The following C18orf63 variants were observed in gnomAD, a reference collection of about 807,000 sequenced individuals.
C18orf63 encodes chromosome 18 open reading frame 63, also known as uncharacterized protein C18orf63.
C18orf63 carries 50 observed loss-of-function variants against 75.3 expected under a neutral mutation model. That is an observed-to-expected ratio of 0.66 (90% confidence interval 0.53 to 0.84). The LOEUF is 0.84. C18orf63 is among the 40% of genes least tolerant of loss of function. The pLI is 0.00. For synonymous variants in C18orf63, 232 were observed against 267.6 expected (o/e 0.87, Z 1.30); for missense variants, 732 against 800.2 (o/e 0.91, Z 1.03).
intron 11 of C18orf63, among the ~76,000 whole-genome samples, chr18:74,345,625 A>G (rs770473595): frequency 6.6e-6 from 1 of 152,088 alleles, no homozygotes; most frequent in African/African-American, 2.4e-5. Context: ...AAAAAACACA[A>G]TTCTTACCCC....
At position 74,343,670 on chromosome 18, in the gene C18orf63, T is replaced by C; in HGVS notation, c.946T>C (p.Tyr316His). 1 of 1,531,824 alleles carries C rather than the reference T, an allele frequency of 6.5e-7. No individual in the cohort carries two copies. Among genetic ancestry groups the C allele is most frequent in the South Asian group, 1.2e-5 (1 of 83,276 alleles). 94.9% of individuals were successfully genotyped at this position (1,531,824 alleles called of 1,614,324 possible). A position where few individuals can be genotyped will look rare whatever the true frequency, so the allele number is the denominator to read the frequency against. Residue 316 changes from tyrosine (Y) to histidine (H), a missense_variant, in exon 11 of 14, where the codon TAC (tyrosine) becomes CAC (histidine). Tyr to His is a moderately conservative substitution (Grantham distance 83). Transcript: ENST00000579455. ...AAAGATGACAAGTAAACCATGCTACTACACACAAGAACTAACTAAACCTAA... is the reference window on the plus strand; with the variant it reads ...AAAGATGACAAGTAAACCATGCTACCACACACAAGAACTAACTAAACCTAA... ...PIKMTSKPCY[Y>H]TQELTKPNIQ...
intron 7 of C18orf63, among the ~76,000 whole-genome samples, chr18:74,334,518 A>G (rs983215069): frequency 2.0e-5 from 3 of 152,148 alleles, no homozygotes; most frequent in Non-Finnish European, 2.9e-5. Context: ...AATGAAAGGA[A>G]GGCAGGGGTT....
intron 6 of C18orf63, among the ~76,000 whole-genome samples, chr18:74,330,305 C>A (rs1362697993): frequency 6.6e-6 from 1 of 152,092 alleles, no homozygotes. Flanking sequence ...AAGAGCACCC[C>A]AGAATCCCCC....
chr18:74,329,161 G>C, intron 6 of C18orf63, 125 bp downstream of exon 6: 1 of 598,036 alleles, frequency 1.7e-6, no homozygotes, highest in Non-Finnish European at 3.0e-6. Flanking sequence ...GGCCAAGGTA[G>C]GTAGATTGTT....
rs77336104 is a variant in C18orf63 at position 74,324,524 on chromosome 18, C to A, written c.270+1770C>A. ...TAACAAAATTGGTTTTGTTATATGT[C>A]ATTTTGCTTAAAGTCATGGTTTGTA... On this transcript the variant is annotated intron_variant, in intron 4 of 13. Coordinates refer to ENST00000579455, the MANE Select transcript of C18orf63 (RefSeq NM_001174123.2). Among the ~76,000 whole-genome samples, 2,251 of 152,140 alleles carry A rather than the reference C, an allele frequency of 0.015. 91 individuals are homozygous for A. In the East Asian group the frequency reaches 0.17, roughly 11 times the overall value.
intron 2 of C18orf63, among the ~76,000 whole-genome samples, chr18:74,319,837 A>C (rs887031943): frequency 6.6e-6 from 1 of 152,132 alleles, no homozygotes; most frequent in Non-Finnish European, 1.5e-5. Context: ...TATAGGACAA[A>C]AATTGAGTTC....
chr18:74,341,233 T>C (rs1021670725), intron 8 of C18orf63, among the ~76,000 whole-genome samples: 1 of 113,416 alleles, frequency 8.8e-6, no homozygotes, highest in African/African-American at 3.5e-5. Flanking sequence ...ATCCCGCCAC[T>C]GCACTCCAGC....
At position 74,330,943 on chromosome 18, in the gene C18orf63, G is replaced by T; in HGVS notation, c.501+1G>T. ...CACAATCAGACTGCCAGCACCTGAG[G>T]TACCATATATTGTGATTTCTATACT... On this transcript the variant is annotated splice_donor_variant, in intron 7 of 13. Transcript: ENST00000579455. LOFTEE classifies it high-confidence loss of function. 6 of 1,392,640 alleles carry T rather than the reference G, an allele frequency of 4.3e-6. No individual in the cohort carries two copies. The highest frequency in any genetic ancestry group is 3.8e-6 in the Non-Finnish European group (4 of 1,042,304). 86.3% of individuals were successfully genotyped at this position (1,392,640 alleles called of 1,614,324 possible). A position where few individuals can be genotyped will look rare whatever the true frequency, so the allele number is the denominator to read the frequency against.
At chr18:74,345,750 C>G (rs1209453885) in intron 11 of C18orf63, among the ~76,000 whole-genome samples, 1 of 152,062 alleles carries the variant, frequency 6.6e-6, no homozygotes, top group East Asian at 1.9e-4. Flanking sequence ...ATCTCTTTCT[C>G]TGGTCAGTTT....
chr18:74,344,712 T>A (rs1984544069), intron 11 of C18orf63, among the ~76,000 whole-genome samples: 1 of 152,164 alleles, frequency 6.6e-6, no homozygotes, highest in Non-Finnish European at 1.5e-5. Flanking sequence ...AGGCTCAGCA[T>A]CATGTTTGTG....
At chr18:74,342,426 T>C (rs1236835643) in intron 10 of C18orf63, 100 bp downstream of exon 10, 1 of 693,726 alleles carries the variant, frequency 1.4e-6, no homozygotes. Context: ...TCTTTCTCTG[T>C]GTCTAACTGA....
chr18:74,317,503 T>C (rs553183017), intron 1 of C18orf63, among the ~76,000 whole-genome samples: 24 of 152,330 alleles, frequency 1.6e-4, no homozygotes, highest in Non-Finnish European at 2.5e-4. Flanking sequence ...GTTATTGTTA[T>C]AGAAAAAGGA....
At chr18:74,325,411 T>C (rs1256359509) in intron 4 of C18orf63, among the ~76,000 whole-genome samples, 1 of 152,236 alleles carries the variant, frequency 6.6e-6, no homozygotes. Flanking sequence ...CTTGAATCTT[T>C]TTAAATTAAT....
rs909406579 is a variant in C18orf63, at chr18:74,353,877, A to G, written c.1610A>G (p.Asn537Ser). Residue 537 changes from asparagine (N) to serine (S), a missense_variant, in exon 12 of 14, where the codon AAC becomes AGC. Physicochemically the swap from Asn to Ser is conservative, Grantham distance 46 (BLOSUM62 1). Transcript: ENST00000579455. ...SSRGKSTVSL[N>S]KNKQLSNSAV... ...CGTGGAAAATCGACTGTGAGTTTAAACAAAAATAAGCAACTATCTAATAGT... is the reference window on the plus strand; with the variant it reads ...CGTGGAAAATCGACTGTGAGTTTAAGCAAAAATAAGCAACTATCTAATAGT... 2 of 1,536,072 alleles carry G rather than the reference A, an allele frequency of 1.3e-6. 1 individual carries two copies.
intron 4 of C18orf63, among the ~76,000 whole-genome samples, chr18:74,323,078 T>C (rs1302498539): frequency 2.6e-5 from 4 of 152,212 alleles, no homozygotes; most frequent in African/African-American, 4.8e-5. Context: ...ATATAGCTAA[T>C]ATGTAGAGAA....
intron 7 of C18orf63, among the ~76,000 whole-genome samples, chr18:74,331,397 T>G (rs1385672188): frequency 6.6e-6 from 1 of 152,240 alleles, no homozygotes; most frequent in Non-Finnish European, 1.5e-5. Flanking sequence ...GATATGTCTT[T>G]TATTTTGTGG....
intron 7 of C18orf63, 21 bp from the exon 8 acceptor site, chr18:74,338,694 A>G: frequency 8.9e-7 from 1 of 1,118,110 alleles, no homozygotes; most frequent in African/African-American, 1.6e-5. Context: ...GAGGACTTAC[A>G]AATCTTATTT....
rs1984428118 is a variant in C18orf63 at position 74,338,505 on chromosome 18, T to A, written c.502-210T>A. Among the ~76,000 whole-genome samples the A allele has an allele frequency of 3.9e-5, 6 of 152,238 alleles. No homozygotes were observed. The South Asian group carries it at 1.0e-3, about 26-fold the overall frequency. Reference sequence around the variant, plus strand: ...GGCTTGGATGGTAAGAGGGAAAGCATGAAATACTTCATATATTGTATAAAG... The same window carrying A: ...GGCTTGGATGGTAAGAGGGAAAGCAAGAAATACTTCATATATTGTATAAAG... On this transcript the variant is annotated intron_variant, in intron 7 of 13. Coordinates refer to ENST00000579455, the MANE Select transcript of C18orf63 (RefSeq NM_001174123.2).
chr18:74,319,656 T>G (rs1378358161), intron 2 of C18orf63, among the ~76,000 whole-genome samples: 1 of 152,200 alleles, frequency 6.6e-6, no homozygotes, highest in Non-Finnish European at 1.5e-5. Flanking sequence ...AAGGATTTAG[T>G]CAGTAGTTCT....
Sources: gnomAD v4.1 joint callset for allele counts (sites outside exome capture counted in the v4.1 genomes callset) on GRCh38, gnomAD v4.1.1 for gene constraint, MANE v1.5 for transcripts, NCBI Gene and HGNC (gene_info 2026-07-23, HGNC 2026-07-21) for gene names.